Variants in CSMD1 observed in about 807,000 individuals in gnomAD.
The protein encoded by CSMD1 is CUB and Sushi multiple domains 1.
A neutral mutation model predicts 417.5 loss-of-function variants in CSMD1; 213 were observed. The observed-to-expected ratio is 0.51, with a 90% CI of 0.46 to 0.57. The LOEUF (loss-of-function observed/expected upper bound fraction) is 0.57, where lower values mean the gene tolerates loss of function less well. CSMD1 is among the 20% of genes least tolerant of loss of function. The pLI is 0.00. For synonymous variants in CSMD1, 2,862 were observed against 1,736.8 expected (o/e 1.65, Z -16.11); for missense variants, 6,923 against 4,529.7 (o/e 1.53, Z -15.17).
chr8:4,501,427 T>C (rs1158033807), intron 2 of CSMD1, among the ~76,000 whole-genome samples: 1 of 152,164 alleles, frequency 6.6e-6, no homozygotes, highest in Non-Finnish European at 1.5e-5. Flanking sequence ...GGGAAGACTT[T>C]GAAGAAGTCG....
At chr8:3,691,447 T>C (rs867815585) in intron 7 of CSMD1, among the ~76,000 whole-genome samples, 9 of 152,152 alleles carry the variant, frequency 5.9e-5, no homozygotes, top group Non-Finnish European at 1.3e-4. Flanking sequence ...AGATTGGCGC[T>C]TCCTTTATGC....
At chr8:3,200,815 A>C (rs1489003946) in intron 32 of CSMD1, among the ~76,000 whole-genome samples, 1 of 152,080 alleles carries the variant, frequency 6.6e-6, no homozygotes, top group African/African-American at 2.4e-5. Context: ...AAATAGAGAA[A>C]ACCTGGAAAT....
intron 26 of CSMD1, among the ~76,000 whole-genome samples, chr8:3,277,262 G>A (rs1563216275): frequency 1.3e-5 from 2 of 152,174 alleles, no homozygotes; most frequent in African/African-American, 2.4e-5. Flanking sequence ...CACCCTGGCT[G>A]AGATGAGAAG....
chr8:3,183,868 C>T (rs992213963), intron 36 of CSMD1, among the ~76,000 whole-genome samples: 5 of 152,164 alleles, frequency 3.3e-5, no homozygotes, highest in African/African-American at 1.2e-4. Flanking sequence ...CAACAATCAC[C>T]CCAGTGCAGG....
intron 5 of CSMD1, among the ~76,000 whole-genome samples, chr8:3,820,900 G>A (rs929259385): frequency 6.6e-6 from 1 of 151,912 alleles, no homozygotes; most frequent in Admixed American, 6.6e-5. Flanking sequence ...TTAAGGACCT[G>A]CCTGAGGGTG....
intron 5 of CSMD1, among the ~76,000 whole-genome samples, chr8:3,906,345 A>G (rs1584944034): frequency 6.6e-6 from 1 of 152,222 alleles, no homozygotes; most frequent in South Asian, 2.1e-4. Flanking sequence ...CAAAATCCCA[A>G]GTATACCTGA....
At chr8:4,903,020 T>C (rs1189391883) in intron 1 of CSMD1, among the ~76,000 whole-genome samples, 44 of 44,626 alleles carry the variant, frequency 9.9e-4, no homozygotes, top group African/African-American at 1.8e-3. Context: ...AATAAATAAA[T>C]AAATAAATAA....
chr8:3,813,681 T>C (rs1801211764), intron 5 of CSMD1, among the ~76,000 whole-genome samples: 1 of 152,216 alleles, frequency 6.6e-6, no homozygotes, highest in South Asian at 2.1e-4. Flanking sequence ...TTAAAAGCCC[T>C]GTACTTTCCA....
chr8:3,566,136 G>C (rs1044402359), intron 10 of CSMD1, among the ~76,000 whole-genome samples: 1 of 152,020 alleles, frequency 6.6e-6, no homozygotes, highest in Non-Finnish European at 1.5e-5. Context: ...AAAGATGGAG[G>C]AGAGAAAGAG....
chr8:4,293,644 C>A (rs1356486609), intron 3 of CSMD1, among the ~76,000 whole-genome samples: 1 of 152,142 alleles, frequency 6.6e-6, no homozygotes, highest in Non-Finnish European at 1.5e-5. Context: ...TAAGACACAG[C>A]AGTCTCTTAT....
chr8:3,487,652 G>C lies in CSMD1; in HGVS notation c.1448+5971C>G, dbSNP rs550533783. Among the ~76,000 whole-genome samples the C allele has an allele frequency of 1.2e-4, 19 of 152,238 alleles. 1 individual carries two copies. The South Asian group carries it at 3.7e-3, about 30-fold the overall frequency. On this transcript the variant is annotated intron_variant, in intron 11 of 69. Transcript: ENST00000635120. ...TAACGTTTATCTACTTAGAATAATG[G>C]AATTGCCAGATAGAATTTTCAAAGG...
At chr8:3,493,152 G>C (rs944837906) in intron 11 of CSMD1, among the ~76,000 whole-genome samples, 1 of 151,868 alleles carries the variant, frequency 6.6e-6, no homozygotes, top group Non-Finnish European at 1.5e-5. Context: ...AAATTAGCCT[G>C]GCATGATGGC....
intron 1 of CSMD1, among the ~76,000 whole-genome samples, chr8:4,648,816 C>A (rs1803700815): frequency 6.6e-6 from 1 of 152,176 alleles, no homozygotes; most frequent in Non-Finnish European, 1.5e-5. Context: ...CACCACTTGT[C>A]TGGTAAAATG....
At chr8:4,364,480 C>A (rs1443892693) in intron 3 of CSMD1, among the ~76,000 whole-genome samples, 1 of 152,114 alleles carries the variant, frequency 6.6e-6, no homozygotes, top group African/African-American at 2.4e-5. Flanking sequence ...ATACAATTTC[C>A]TCTCTTGCTT....
At chr8:4,074,062 T>C (rs564499254) in intron 3 of CSMD1, among the ~76,000 whole-genome samples, 15 of 152,230 alleles carry the variant, frequency 9.9e-5, no homozygotes, top group Admixed American at 3.9e-4. Context: ...TGTTATAATA[T>C]TGATATGGAA....
intron 3 of CSMD1, among the ~76,000 whole-genome samples, chr8:4,112,653 A>G (rs143066947): frequency 3.9e-5 from 6 of 152,310 alleles, no homozygotes; most frequent in African/African-American, 1.4e-4. Flanking sequence ...ATCCTGCCCC[A>G]AATCCCACAA....
At chr8:4,070,140 A>AT (rs200065298) in intron 3 of CSMD1, among the ~76,000 whole-genome samples, 40 of 151,838 alleles carry the variant, frequency 2.6e-4, no homozygotes, top group South Asian at 1.5e-3. Context: ...CACCAATTTT[A>AT]TTTTTTTTAA....
intron 1 of CSMD1, among the ~76,000 whole-genome samples, chr8:4,894,360 A>G (rs549616720): frequency 2.0e-5 from 3 of 152,110 alleles, no homozygotes; most frequent in African/African-American, 7.2e-5. Context: ...GATTCTTAAA[A>G]ACACTTAGAT....
chr8:4,012,701 C>G (rs1452967894), intron 4 of CSMD1, among the ~76,000 whole-genome samples: 3 of 152,186 alleles, frequency 2.0e-5, no homozygotes, highest in African/African-American at 7.2e-5. Context: ...TATTTCAACT[C>G]CATAGAATGT....
Sources: allele counts gnomAD v4.1 joint callset (sites outside exome capture counted in the v4.1 genomes callset), GRCh38; gene constraint gnomAD v4.1.1; transcripts MANE v1.5; gene names NCBI Gene and HGNC (gene_info 2026-07-23, HGNC 2026-07-21).